The following ACVR1 variants were observed in gnomAD, a reference collection of about 807,000 sequenced individuals.
ACVR1 encodes the protein activin receptor type-1.
ACVR1 carries 38 observed loss-of-function variants against 57.1 expected under a neutral mutation model. The observed-to-expected ratio is 0.67, with a 90% CI of 0.51 to 0.87. The LOEUF is 0.87. ACVR1 is among the 40% of genes least tolerant of loss of function. The pLI is 0.00. For synonymous variants in ACVR1, 212 were observed against 228.1 expected (o/e 0.93, Z 0.63); for missense variants, 463 against 638.2 (o/e 0.73, Z 2.96).
At position 157,738,505 on chromosome 2, in the gene ACVR1, T is replaced by C. The variant is rs1243033111; in HGVS notation, c.1330A>G (p.Met444Val). Residue 444 changes from methionine to valine, a missense_variant, in exon 10 of 11, where the codon ATG (methionine) becomes GTG (valine). By Grantham distance (21) the Met-to-Val change is conservative. Transcript: ENST00000434821. The stretch of plus-strand genomic sequence containing the variant: ...TGATCCACACAGACTACCTTCCTCA[T>C]ATCTTCAAAACTTGGGTCATTGGGA... ...VVPNDPSFED[M>V]RKVVCVDQQR... The C allele has an allele frequency of 6.2e-7, 1 of 1,614,154 alleles. No individual in the cohort carries two copies. Among genetic ancestry groups the C allele is most frequent in the South Asian group, 1.1e-5 (1 of 91,084 alleles).
chr2:157,765,722 A>C (rs575424841), intron 8 of ACVR1, among the ~76,000 whole-genome samples, 199 bp downstream of exon 8: 1 of 152,318 alleles, frequency 6.6e-6, no homozygotes, highest in African/African-American at 2.4e-5. Context: ...TAGATGAATA[A>C]ATACATAATA....
At position 157,825,230 on chromosome 2, in the gene ACVR1, C is replaced by G. The variant is rs530170531; in HGVS notation, c.-182-6671G>C. 6.6e-5 allele frequency among the ~76,000 whole-genome samples: 10 copies of G among 152,304 alleles called. No homozygotes were observed. In the South Asian group the frequency reaches 2.1e-3, roughly 32 times the overall value. The stretch of plus-strand genomic sequence containing the variant: ...CCTTTCTATAAGCCTTTTAGAGCAG[C>G]TAGTAGCTCAATATAGACATCCAAT... On this transcript the variant is annotated intron_variant, in intron 1 of 10. Transcript: ENST00000434821.
intron 6 of ACVR1, among the ~76,000 whole-genome samples, chr2:157,771,520 G>GATAT (rs1258236677): frequency 9.2e-5 from 14 of 152,320 alleles, no homozygotes; most frequent in African/African-American, 3.4e-4. Flanking sequence ...CAAGGCAAGA[G>GATAT]ATATAACTTG....
rs1485986695 is a variant in ACVR1, at chr2:157,868,855, TA to T, written c.-183+6940del. On this transcript the variant is annotated intron_variant, in intron 1 of 10. Transcript: ENST00000434821. ...AGAGGAAGACTTGATAAATGCTCAA[TA>T]AATAAGGGACAAAGAAGACGGGAAA... 2.6e-5 allele frequency among the ~76,000 whole-genome samples: 4 copies of T among 152,114 alleles called. No homozygotes were observed. The East Asian group carries it at 7.7e-4, about 29-fold the overall frequency.
At chr2:157,830,581 C>T (rs991921024) in intron 1 of ACVR1, among the ~76,000 whole-genome samples, 1 of 152,122 alleles carries the variant, frequency 6.6e-6, no homozygotes. Flanking sequence ...CCTACTCTAA[C>T]ATTTTAGGAC....
At chr2:157,835,802 T>G (rs920271676) in intron 1 of ACVR1, among the ~76,000 whole-genome samples, 4 of 152,306 alleles carry the variant, frequency 2.6e-5, no homozygotes, top group African/African-American at 9.6e-5. Context: ...AGGGAAACCT[T>G]CACATTGATA....
At chr2:157,855,268 AAGTGTGTGTGTGTGT>A in intron 1 of ACVR1, among the ~76,000 whole-genome samples, 2 of 107,150 alleles carry the variant, frequency 1.9e-5, no homozygotes, top group South Asian at 7.5e-4. Flanking sequence ...AAAAAAAAAA[AAGTGTGTGTGTGTGT>A]GTGTGTGTGT....
chr2:157,776,007 G>C (rs1686270754), intron 5 of ACVR1, among the ~76,000 whole-genome samples: 1 of 152,172 alleles, frequency 6.6e-6, no homozygotes, highest in Non-Finnish European at 1.5e-5. Context: ...GCAGGCATGA[G>C]CCACCATGCA....
chr2:157,791,386 T>C (rs1255783677), intron 3 of ACVR1, among the ~76,000 whole-genome samples: 4 of 152,226 alleles, frequency 2.6e-5, no homozygotes, highest in Non-Finnish European at 5.9e-5. Context: ...TCTTATTATC[T>C]TTTCTCTAAT....
intron 8 of ACVR1, 124 bp downstream of exon 8, chr2:157,765,797 A>T: frequency 1.1e-6 from 1 of 931,316 alleles, no homozygotes; most frequent in Non-Finnish European, 1.7e-6. Context: ...TGTTCATTGT[A>T]AATGTTCAAC....
chr2:157,816,148 T>C (rs1402771663), intron 2 of ACVR1, among the ~76,000 whole-genome samples: 1 of 152,226 alleles, frequency 6.6e-6, no homozygotes, highest in Non-Finnish European at 1.5e-5. Context: ...TTAATATGCA[T>C]ATTTGTTTGT....
At chr2:157,799,523 G>A (rs1687249760) in intron 2 of ACVR1, 23 bp from the exon 3 acceptor site, 3 of 1,567,954 alleles carry the variant, frequency 1.9e-6, no homozygotes, top group Non-Finnish European at 2.6e-6. Flanking sequence ...AAGAAGAGAT[G>A]TAAGTAAAGC....
chr2:157,869,966 G>GCTTATATGC (rs1690062390), intron 1 of ACVR1, among the ~76,000 whole-genome samples: 1 of 152,168 alleles, frequency 6.6e-6, no homozygotes, highest in African/African-American at 2.4e-5. Flanking sequence ...TTATGGTCAT[G>GCTTATATGC]TTTGCTTATA....
At chr2:157,828,820 G>A (rs1688484723) in intron 1 of ACVR1, among the ~76,000 whole-genome samples, 1 of 152,144 alleles carries the variant, frequency 6.6e-6, no homozygotes, top group African/African-American at 2.4e-5. Flanking sequence ...AGGCTAGAGT[G>A]CAGTGGCACA....
intron 9 of ACVR1, among the ~76,000 whole-genome samples, chr2:157,745,904 C>CT (rs1225314301): frequency 6.6e-6 from 1 of 152,166 alleles, no homozygotes; most frequent in Non-Finnish European, 1.5e-5. Flanking sequence ...AGAAGAGGTT[C>CT]TTTTTTCAAA....
intron 1 of ACVR1, among the ~76,000 whole-genome samples, chr2:157,850,465 AT>A (rs905237679): frequency 2.0e-5 from 3 of 152,030 alleles, no homozygotes; most frequent in Non-Finnish European, 4.4e-5. Flanking sequence ...TTGAGAATGT[AT>A]TTTAAACACT....
chr2:157,813,392 A>C (rs1687821462), intron 2 of ACVR1, among the ~76,000 whole-genome samples: 1 of 152,210 alleles, frequency 6.6e-6, no homozygotes, highest in Admixed American at 6.5e-5. Flanking sequence ...AGAGACTGCT[A>C]ATTTTCCACT....
At chr2:157,856,392 C>A (rs1490083714) in intron 1 of ACVR1, among the ~76,000 whole-genome samples, 1 of 152,220 alleles carries the variant, frequency 6.6e-6, no homozygotes, top group African/African-American at 2.4e-5. Flanking sequence ...GTTCTGTATT[C>A]TCTTTCATCA....
At chr2:157,826,796 GGGAAAA>G (rs1434266469) in intron 1 of ACVR1, 3,065 of 115,940 alleles carry the variant, frequency 0.026, 256 homozygotes, top group African/African-American at 0.094. Context: ...GAAAGGGAAA[GGGAAAA>G]GGAAAAGGAA....
Sources: allele counts gnomAD v4.1 joint callset (sites outside exome capture counted in the v4.1 genomes callset), GRCh38; gene constraint gnomAD v4.1.1; transcripts MANE v1.5; gene names NCBI Gene and HGNC (gene_info 2026-07-23, HGNC 2026-07-21).